The following CSNK1D variants were observed in gnomAD, a reference collection of about 807,000 sequenced individuals.
The protein encoded by CSNK1D is casein kinase 1 delta.
In CSNK1D, 16 loss-of-function variants were observed where a neutral mutation model predicts 46.6. That is an observed-to-expected ratio of 0.34 (90% CI 0.23 to 0.52). CSNK1D has a LOEUF of 0.52. CSNK1D is among the 20% of genes least tolerant of loss of function. The pLI is 0.95. For synonymous variants in CSNK1D, 276 were observed against 228.2 expected (o/e 1.21, Z -1.89); for missense variants, 398 against 578.4 (o/e 0.69, Z 3.20).
At chr17:82,269,587 C>T (rs2051566844) in intron 1 of CSNK1D, among the ~76,000 whole-genome samples, 1 of 152,252 alleles carries the variant, frequency 6.6e-6, no homozygotes, top group South Asian at 2.1e-4. Context: ...ATCCAGGTAA[C>T]AGGTGGACAA....
At chr17:82,246,059 G>A (rs2050842744) in intron 8 of CSNK1D, 1 of 1,604,290 alleles carries the variant, frequency 6.2e-7, no homozygotes, top group Non-Finnish European at 8.5e-7. Flanking sequence ...GGAAAAGACA[G>A]CTGTTGGTAA....
At chr17:82,247,912 A>G (rs2050892088) in intron 8 of CSNK1D, 1 of 985,510 alleles carries the variant, frequency 1.0e-6, no homozygotes, top group Non-Finnish European at 1.2e-6. Flanking sequence ...CCCAATCATT[A>G]AAAGACGGCA....
Position 82,242,873 on chromosome 17 carries a change from G to A in CSNK1D, c.*1908C>T, listed in dbSNP as rs1007608050. 4.8e-5 allele frequency: 47 copies of A among 985,294 alleles called. No homozygotes were observed. Among genetic ancestry groups the A allele is most frequent in the East Asian group, 1.1e-4 (1 of 8,822 alleles). The allele number at this position is 985,294 out of a possible 1,614,324, so 61.0% of individuals were successfully genotyped here. The stretch of plus-strand genomic sequence containing the variant: ...CCGAAGACGCGACCCGGCGAGGCTC[G>A]GGCTGGAACCCGGGCGCAGAGCTGC... On this transcript the variant is annotated 3_prime_UTR_variant, in exon 9 of 9. Coordinates refer to ENST00000314028, the MANE Select transcript of CSNK1D (RefSeq NM_001893.6).
At position 82,242,739 on chromosome 17, in the gene CSNK1D, G is replaced by A. The variant is rs947419433; in HGVS notation, c.*2042C>T. ...ACACAAATACAGTGGCGATACAAAC[G>A]CACAGCTCGGAGACTGGCCGTCAGT... On this transcript the variant is annotated 3_prime_UTR_variant, in exon 9 of 9. Coordinates refer to ENST00000314028, the MANE Select transcript of CSNK1D (RefSeq NM_001893.6). 16 of 985,414 alleles carry A rather than the reference G, an allele frequency of 1.6e-5. No individual in the cohort carries two copies. The highest frequency in any genetic ancestry group is 1.1e-4 in the East Asian group (1 of 8,816). The allele number at this position is 985,414 out of a possible 1,614,324, so 61.0% of individuals were successfully genotyped here.
chr17:82,257,724 A>G (rs1185503591), intron 2 of CSNK1D, among the ~76,000 whole-genome samples: 1 of 152,200 alleles, frequency 6.6e-6, no homozygotes, highest in East Asian at 1.9e-4. Context: ...ATGGAACCCA[A>G]CCTCATCCCA....
rs2050897177 is a variant in CSNK1D, at chr17:82,248,107, TGGG to T, written c.1197+765_1197+767del. The T allele has an allele frequency of 8.1e-6, 8 of 985,386 alleles. No homozygotes were observed. Among genetic ancestry groups the T allele is most frequent in the Non-Finnish European group, 1.2e-6 (1 of 829,982 alleles). The allele number at this position is 985,386 out of a possible 1,614,324, so 61.0% of individuals were successfully genotyped here. On this transcript the variant is annotated intron_variant, in intron 8 of 8. Coordinates refer to ENST00000314028, the MANE Select transcript of CSNK1D (RefSeq NM_001893.6). The surrounding 1 kb of genome is among the most constrained non-coding windows in gnomAD (Gnocchi z 4.1). Reference sequence around the variant, plus strand: ...TCATCCGGAAGACCCGTGGGGGATCTGGGCACCCCCCAGGATGCCTGCTGGTGA... The same window carrying T: ...TCATCCGGAAGACCCGTGGGGGATCTCACCCCCCAGGATGCCTGCTGGTGA...
chr17:82,271,576 C>T (rs1212882401), intron 1 of CSNK1D, among the ~76,000 whole-genome samples: 1 of 152,202 alleles, frequency 6.6e-6, no homozygotes, highest in Non-Finnish European at 1.5e-5. Context: ...AATAGCCAAA[C>T]CCAAATGTCT....
In CSNK1D at chr17:82,264,476, C is replaced by T. The variant is rs143300281; in HGVS notation, c.187+1210G>A. Among the ~76,000 whole-genome samples the T allele has an allele frequency of 3.9e-3, 593 of 152,342 alleles. 2 individuals carry two copies. Among genetic ancestry groups the T allele is most frequent in the South Asian group, 0.028 (135 of 4,824 alleles). On this transcript the variant is annotated intron_variant, in intron 2 of 8. Coordinates refer to ENST00000314028, the MANE Select transcript of CSNK1D (RefSeq NM_001893.6). ...GGGAGGACAGGAGCGCTCTGCTCCA[C>T]ACCTGGCCCACCGTGGAACACCAGG...
chr17:82,253,716 C>T (rs912752433), intron 3 of CSNK1D: 4 of 343,316 alleles, frequency 1.2e-5, no homozygotes, highest in African/African-American at 8.6e-5. Context: ...CTCGAGAAGC[C>T]AGTGAGCTGA....
intron 2 of CSNK1D, among the ~76,000 whole-genome samples, chr17:82,257,234 C>T (rs1307032687): frequency 1.3e-5 from 2 of 151,884 alleles, no homozygotes; most frequent in Non-Finnish European, 2.9e-5. Context: ...TTCTTTATAA[C>T]TTCTAGATAC....
intron 2 of CSNK1D, among the ~76,000 whole-genome samples, chr17:82,263,705 T>A (rs1014688664): frequency 5.3e-5 from 8 of 152,348 alleles, no homozygotes; most frequent in African/African-American, 1.9e-4. Flanking sequence ...CCTGGAGACA[T>A]CTCTCGTAAA....
intron 1 of CSNK1D, chr17:82,267,175 TGA>T (rs1447580623): frequency 1.3e-5 from 2 of 152,166 alleles, no homozygotes; most frequent in African/African-American, 4.8e-5. Flanking sequence ...CTTCCTTCCC[TGA>T]GAGACTGTGG....
chr17:82,240,045 T>C (rs2147142109), downstream of CSNK1D: 1 of 1,233,764 alleles, frequency 8.1e-7, no homozygotes, highest in Non-Finnish European at 1.0e-6. Context: ...GCCGGAGAGA[T>C]GCCATGTCCC....
chr17:82,267,453 TC>T (rs1436011271), intron 1 of CSNK1D, among the ~76,000 whole-genome samples: 4 of 152,252 alleles, frequency 2.6e-5, no homozygotes, highest in African/African-American at 9.6e-5. Flanking sequence ...ATGTGCCACT[TC>T]CAGCCTGGGC....
chr17:82,255,693 G>A lies in CSNK1D; in HGVS notation c.188-116C>T. On this transcript the variant is annotated intron_variant, in intron 2 of 8. Transcript: ENST00000314028. The surrounding 1 kb of genome is among the most constrained non-coding windows in gnomAD (Gnocchi z 5.9). ...GACAATCCTGAACGGGGGAGGGGTGGTGGAGGTAGAAGACCCCGGCAACGC... is the reference window on the plus strand; with the variant it reads ...GACAATCCTGAACGGGGGAGGGGTGATGGAGGTAGAAGACCCCGGCAACGC... 1.5e-6 allele frequency: 2 copies of A among 1,356,216 alleles called. No homozygotes were observed. Among genetic ancestry groups the A allele is most frequent in the Non-Finnish European group, 2.1e-6 (2 of 954,980 alleles). 84.0% of individuals were successfully genotyped at this position (1,356,216 alleles called of 1,614,324 possible). A position where few individuals can be genotyped will look rare whatever the true frequency, so the allele number is the denominator to read the frequency against.
chr17:82,242,619 A>G (rs2050756962), downstream of CSNK1D: 1 of 982,320 alleles, frequency 1.0e-6, no homozygotes, highest in Non-Finnish European at 1.2e-6. Context: ...AACACAGTGA[A>G]AACTCTCAAG....
intron 2 of CSNK1D, 71 bp downstream of exon 2, chr17:82,265,615 G>T: frequency 1.6e-6 from 2 of 1,215,030 alleles, no homozygotes; most frequent in Non-Finnish European, 2.4e-6. Context: ...ATTTTAACCA[G>T]CAATGCTGAG....
In CSNK1D at chr17:82,249,803, C is replaced by G; in HGVS notation, c.886-201G>C. On this transcript the variant is annotated intron_variant, in intron 6 of 8. Coordinates refer to ENST00000314028, the MANE Select transcript of CSNK1D (RefSeq NM_001893.6). This position sits in a 1 kb window ranked among gnomAD's most constrained non-coding sequence, Gnocchi z 6.7. ...CACAAGGGGTCAGAGCCAGGCCTCT[C>G]AGCTCCCCCAACAATCGAAAAAACC... is the stretch of plus-strand genomic sequence containing the variant. The G allele has an allele frequency of 6.9e-7, 1 of 1,439,448 alleles. No homozygotes were observed. Among genetic ancestry groups the G allele is most frequent in the South Asian group, 1.5e-5 (1 of 68,114 alleles). The allele number at this position is 1,439,448 out of a possible 1,614,324, so 89.2% of individuals were successfully genotyped here.
At position 82,250,358 on chromosome 17, in the gene CSNK1D, C is replaced by T. The variant is rs186598639; in HGVS notation, c.886-756G>A. ...GGCTGCAGCACCGTGCGGCCAGCAC[C>T]GCCCAGACTCCTCATGCTGCCATTT... On this transcript the variant is annotated intron_variant, in intron 6 of 8. Coordinates refer to ENST00000314028, the MANE Select transcript of CSNK1D (RefSeq NM_001893.6). This position sits in a 1 kb window ranked among gnomAD's most constrained non-coding sequence, Gnocchi z 4.6. The T allele has an allele frequency of 8.1e-5, 36 of 446,954 alleles. No homozygotes were observed. The highest frequency in any genetic ancestry group is 4.2e-4 in the Middle Eastern group (1 of 2,360). 27.7% of individuals were successfully genotyped at this position (446,954 alleles called of 1,614,324 possible).
Sources: allele counts gnomAD v4.1 joint callset (sites outside exome capture counted in the v4.1 genomes callset), GRCh38; gene constraint gnomAD v4.1.1; non-coding constraint Gnocchi (gnomAD v3.1); transcripts MANE v1.5; gene names NCBI Gene and HGNC (gene_info 2026-07-23, HGNC 2026-07-21).